Variants in CEP63 observed in about 807,000 individuals in gnomAD.
CEP63 encodes centrosomal protein 63.
Under a neutral mutation model 89.1 loss-of-function variants are expected in CEP63, and 84 were observed. The observed-to-expected ratio is 0.94, with a 90% confidence interval of 0.79 to 1.13. The LOEUF (loss-of-function observed/expected upper bound fraction) is 1.13. Among genes scored for constraint, CEP63 ranks in the 50% most tolerant of loss-of-function variants. The pLI is 0.00. For missense variants in CEP63, 838 were observed against 813.3 expected, an observed-to-expected ratio of 1.03 and a Z score of -0.37; for synonymous variants, 267 against 272.5, an observed-to-expected ratio of 0.98 and a Z score of 0.20.
At chr3:134,725,380 G>T in the CEP63 span, among the ~76,000 whole-genome samples, 3 of 152,148 alleles carry the variant, frequency 2.0e-5, no homozygotes, top group East Asian at 3.9e-4. Flanking sequence ...CCTGACAGAA[G>T]TTACACCCCA....
chr3:134,492,810 T>C (rs994748442), intron 1 of CEP63, among the ~76,000 whole-genome samples: 2 of 152,144 alleles, frequency 1.3e-5, no homozygotes, highest in Non-Finnish European at 2.9e-5. Context: ...TGCACATCGA[T>C]TGTGACTCAA....
At chr3:134,576,059 C>A (rs1055986216), downstream of CEP63, among the ~76,000 whole-genome samples, 1 of 152,144 alleles carries the variant, frequency 6.6e-6, no homozygotes, top group Non-Finnish European at 1.5e-5. Flanking sequence ...CCCTTAAATT[C>A]TCTCCAGTTT....
At chr3:134,768,015 G>C in the CEP63 span, among the ~76,000 whole-genome samples, 3 of 152,230 alleles carry the variant, frequency 2.0e-5, no homozygotes, top group African/African-American at 7.2e-5. Flanking sequence ...TGAGGACGTA[G>C]AGTGTCAGAG....
At chr3:134,644,792 G>A in the CEP63 span, among the ~76,000 whole-genome samples, 3 of 152,224 alleles carry the variant, frequency 2.0e-5, no homozygotes, top group Non-Finnish European at 4.4e-5. Context: ...TGATCCACCT[G>A]ACAGAGTCCT....
chr3:134,705,334 G>T, the CEP63 span, among the ~76,000 whole-genome samples: 1 of 152,084 alleles, frequency 6.6e-6, no homozygotes, highest in South Asian at 2.1e-4. Flanking sequence ...AAACCTGAGT[G>T]GGGGGTCTTA....
chr3:134,690,995 C>G, the CEP63 span, among the ~76,000 whole-genome samples: 13 of 152,114 alleles, frequency 8.5e-5, no homozygotes, highest in Non-Finnish European at 1.8e-4. Context: ...GTAATCTGCC[C>G]GCCTTGGCCT....
chr3:134,531,575 C>T (rs775482768), intron 3 of CEP63, among the ~76,000 whole-genome samples: 20 of 152,014 alleles, frequency 1.3e-4, no homozygotes, highest in Non-Finnish European at 2.2e-4. Flanking sequence ...GTGAGACTCC[C>T]ATCTCAAAAA....
chr3:134,619,246 A>C, the CEP63 span: 2 of 1,613,828 alleles, frequency 1.2e-6, no homozygotes, highest in Non-Finnish European at 1.7e-6. Flanking sequence ...CCTTCTCCTG[A>C]GCAGCTGCAA....
the CEP63 span, among the ~76,000 whole-genome samples, chr3:134,594,616 C>T: frequency 1.3e-5 from 2 of 152,290 alleles, no homozygotes; most frequent in African/African-American, 4.8e-5. Context: ...ACATTTCCCA[C>T]AGGGGCAAAG....
chr3:134,716,677 T>C, the CEP63 span, among the ~76,000 whole-genome samples: 1 of 152,134 alleles, frequency 6.6e-6, no homozygotes, highest in African/African-American at 2.4e-5. Context: ...AAATCCTTTT[T>C]CACAATCCAA....
chr3:134,649,607 C>T, the CEP63 span, among the ~76,000 whole-genome samples: 13 of 152,216 alleles, frequency 8.5e-5, no homozygotes, highest in Non-Finnish European at 1.3e-4. Flanking sequence ...AAAGAGCCAA[C>T]GAATCCAAAC....
the CEP63 span, among the ~76,000 whole-genome samples, chr3:134,725,525 T>G: frequency 2.0e-5 from 3 of 152,150 alleles, no homozygotes; most frequent in Non-Finnish European, 4.4e-5. Context: ...GTTGCCAGGT[T>G]TTTACTTTTC....
At chr3:134,607,164 T>A in the CEP63 span, 2 of 985,352 alleles carry the variant, frequency 2.0e-6, no homozygotes, top group Non-Finnish European at 2.4e-6. Context: ...CTATGATACA[T>A]TGAACAAGCC....
chr3:134,661,892 C>T, the CEP63 span, among the ~76,000 whole-genome samples: 2 of 151,476 alleles, frequency 1.3e-5, no homozygotes, highest in African/African-American at 4.8e-5. Flanking sequence ...GTGATTAAGT[C>T]ATAAGGCTGG....
rs370364089 is a variant in CEP63, at chr3:134,499,115, GTTC to G, written c.44+3757_44+3759del. Among the ~76,000 whole-genome samples, 18 of 152,270 alleles carry G rather than the reference GTTC, an allele frequency of 1.2e-4. No individual in the cohort carries two copies. The South Asian group carries it at 2.1e-3, about 18-fold the overall frequency. ...TTGGAATACTTTGAGAAGAATTGAT[GTTC>G]TTCTTTATGAAGTTGGTAGAATTCA... On this transcript the variant is annotated intron_variant, in intron 2 of 14. Transcript: ENST00000675561.
the CEP63 span, among the ~76,000 whole-genome samples, chr3:134,702,541 A>G: frequency 1.3e-5 from 2 of 152,192 alleles, no homozygotes; most frequent in African/African-American, 4.8e-5. Flanking sequence ...GACTAATGGA[A>G]CAGATTAGAG....
chr3:134,698,486 G>A, the CEP63 span, among the ~76,000 whole-genome samples: 1 of 152,184 alleles, frequency 6.6e-6, no homozygotes, highest in Admixed American at 6.5e-5. Flanking sequence ...CCACCTCCAG[G>A]GCCAATTTCC....
the CEP63 span, among the ~76,000 whole-genome samples, chr3:134,772,163 T>G: frequency 6.6e-6 from 1 of 152,214 alleles, no homozygotes; most frequent in Admixed American, 6.5e-5. Flanking sequence ...AATGTCAGTC[T>G]TGGCTGCCCC....
rs181311100 is a variant in CEP63, at chr3:134,557,623, C to G, written c.1468-519C>G. Among the ~76,000 whole-genome samples, 65 of 151,976 alleles carry G rather than the reference C, an allele frequency of 4.3e-4. 1 individual carries two copies. The highest frequency in any genetic ancestry group is 1.6e-3 in the African/African-American group (65 of 41,440). ...ACTATATACTTGAATCCTGCTTTAT[C>G]ATGTCCAAATTTATATATGAGTAGA... On this transcript the variant is annotated intron_variant, in intron 12 of 14. Transcript: ENST00000675561.
Sources: gnomAD v4.1 joint callset for allele counts (sites outside exome capture counted in the v4.1 genomes callset) on GRCh38, gnomAD v4.1.1 for gene constraint, MANE v1.5 for transcripts, NCBI Gene and HGNC (gene_info 2026-07-23, HGNC 2026-07-21) for gene names.